Variants in DRC11L observed in about 807,000 individuals in gnomAD.
DRC11L encodes dynein regulatory complex subunit 11 like, also known as dynein regulatory complex subunit like-11.
At chr7:151,199,369 A>C in the DRC11L span, among the ~76,000 whole-genome samples, 1 of 150,304 alleles carries the variant, frequency 6.7e-6, no homozygotes, top group Admixed American at 6.6e-5. The surrounding 1 kb of genome is among the most constrained non-coding windows in gnomAD (Gnocchi z 5.2). Flanking sequence ...TTCCCGCCTC[A>C]TTGGCTCCCA....
At chr7:151,202,305 T>C in the DRC11L span, among the ~76,000 whole-genome samples, 5 of 152,138 alleles carry the variant, frequency 3.3e-5, no homozygotes, top group South Asian at 8.3e-4. Flanking sequence ...TGCTCAGGGC[T>C]CAAGCAATGC....
the DRC11L span, chr7:151,203,627 T>C: frequency 2.5e-6 from 1 of 394,738 alleles, no homozygotes; most frequent in East Asian, 3.6e-5. Flanking sequence ...TCCTCCATTT[T>C]AGAGTCCTGA....
At chr7:151,197,782 C>T in the DRC11L span, 3 of 398,452 alleles carry the variant, frequency 7.5e-6, no homozygotes, top group Non-Finnish European at 1.3e-5. Context: ...CAGGCTCCAC[C>T]TGCCACAAAA....
the DRC11L span, among the ~76,000 whole-genome samples, chr7:151,198,641 G>A: frequency 0.087 from 13,280 of 152,120 alleles, 820 homozygotes; most frequent in Non-Finnish European, 0.12. Context: ...GAAACCAAGA[G>A]GGTCAGCAGT....
At chr7:151,198,592 T>C in the DRC11L span, among the ~76,000 whole-genome samples, 6 of 151,972 alleles carry the variant, frequency 3.9e-5, no homozygotes, top group African/African-American at 1.5e-4. Flanking sequence ...AGAAGTCAGG[T>C]GTGGAGATGG....
At chr7:151,192,092 G>A in the DRC11L span, among the ~76,000 whole-genome samples, 1 of 152,190 alleles carries the variant, frequency 6.6e-6, no homozygotes, top group Non-Finnish European at 1.5e-5. Flanking sequence ...AGCCTCGGAG[G>A]ACATAGACCA....
the DRC11L span, chr7:151,200,355 C>A: frequency 2.5e-6 from 1 of 399,190 alleles, no homozygotes. Flanking sequence ...TGTTCCAGGA[C>A]CCACCATGGT....
the DRC11L span, chr7:151,204,964 T>C: frequency 2.5e-6 from 1 of 398,104 alleles, no homozygotes; most frequent in Non-Finnish European, 4.4e-6. Flanking sequence ...GGCTCCTAAA[T>C]GGACTTCAAT....
chr7:151,202,044 AC>A, the DRC11L span, among the ~76,000 whole-genome samples: 2 of 152,310 alleles, frequency 1.3e-5, no homozygotes, highest in Non-Finnish European at 1.5e-5. Flanking sequence ...ACGTGTGAGA[AC>A]CAGGATGGTA....
the DRC11L span, chr7:151,192,422 G>T: frequency 2.5e-6 from 1 of 399,534 alleles, no homozygotes; most frequent in Non-Finnish European, 4.4e-6. Context: ...CAAGGCCTTG[G>T]TGAGGTCCTT....
At chr7:151,199,434 A>C in the DRC11L span, among the ~76,000 whole-genome samples, 1 of 152,168 alleles carries the variant, frequency 6.6e-6, no homozygotes, top group Non-Finnish European at 1.5e-5. The surrounding 1 kb of genome is among the most constrained non-coding windows in gnomAD (Gnocchi z 5.2). Flanking sequence ...CGCTGAGCTC[A>C]CACTGTTGAT....
the DRC11L span, chr7:151,198,949 C>T: frequency 4.5e-5 from 18 of 399,178 alleles, no homozygotes; most frequent in East Asian, 5.3e-4. Flanking sequence ...ACATCCTCCA[C>T]GAGGCATGGC....
At chr7:151,194,728 C>G in the DRC11L span, 6 of 394,178 alleles carry the variant, frequency 1.5e-5, no homozygotes, top group Non-Finnish European at 2.7e-5. Context: ...TCCTGTACAA[C>G]ATTCTGTGGT....
At chr7:151,195,165 G>A in the DRC11L span, among the ~76,000 whole-genome samples, 1 of 152,110 alleles carries the variant, frequency 6.6e-6, no homozygotes. Flanking sequence ...GAAGTGGAGA[G>A]CAATGACCTG....
chr7:151,198,524 G>A, the DRC11L span, among the ~76,000 whole-genome samples: 2 of 152,132 alleles, frequency 1.3e-5, no homozygotes, highest in East Asian at 3.9e-4. Flanking sequence ...TCACTCAGGG[G>A]GCATCCATGG....
chr7:151,203,733 T>C, the DRC11L span, among the ~76,000 whole-genome samples: 107 of 152,258 alleles, frequency 7.0e-4, no homozygotes, highest in African/African-American at 2.5e-3. Context: ...TGGAGGCTCA[T>C]GGTAGGTGGC....
At chr7:151,193,846 G>T in the DRC11L span, among the ~76,000 whole-genome samples, 3 of 151,360 alleles carry the variant, frequency 2.0e-5, no homozygotes, top group Non-Finnish European at 2.9e-5. Flanking sequence ...GGTGGAGTTT[G>T]CAGTGAGCTG....
At chr7:151,199,208 G>A in the DRC11L span, among the ~76,000 whole-genome samples, 7 of 152,152 alleles carry the variant, frequency 4.6e-5, no homozygotes, top group Non-Finnish European at 8.8e-5. This position sits in a 1 kb window ranked among gnomAD's most constrained non-coding sequence, Gnocchi z 5.2. Flanking sequence ...GAATTCGTCT[G>A]TGTAAATTAC....
At chr7:151,191,875 C>T in the DRC11L span, 6 of 399,192 alleles carry the variant, frequency 1.5e-5, no homozygotes, top group East Asian at 3.6e-5. Flanking sequence ...GCTTCCAGAG[C>T]ACTGCAGGCA....
Sources: allele counts gnomAD v4.1 joint callset (sites outside exome capture counted in the v4.1 genomes callset), GRCh38; gene constraint gnomAD v4.1.1; non-coding constraint Gnocchi (gnomAD v3.1); transcripts MANE v1.5; gene names NCBI Gene and HGNC (gene_info 2026-07-23, HGNC 2026-07-21).